Variants in KCNIP4 observed in about 807,000 individuals in gnomAD.
KCNIP4 encodes Kv channel-interacting protein 4.
Under a neutral mutation model 34.0 loss-of-function variants are expected in KCNIP4, and 12 were observed. The ratio of observed to expected loss-of-function variants is 0.35; its 90% CI spans 0.23 to 0.57. The LOEUF (loss-of-function observed/expected upper bound fraction) is 0.57, where lower values mean the gene tolerates loss of function less well. Among genes scored for constraint, KCNIP4 ranks in the 20% least tolerant of loss-of-function variants. KCNIP4 has a pLI of 0.83. For synonymous variants in KCNIP4, 124 were observed against 102.2 expected, an observed-to-expected ratio of 1.21 and a Z score of -1.29; for missense variants, 238 against 311.7, an observed-to-expected ratio of 0.76 and a Z score of 1.78.
At chr4:21,171,163 G>T (rs1449407522) in intron 1 of KCNIP4, among the ~76,000 whole-genome samples, 2 of 152,128 alleles carry the variant, frequency 1.3e-5, no homozygotes, top group Non-Finnish European at 2.9e-5. Flanking sequence ...ATGCTTTCAG[G>T]TGGTTAAATG....
intron 1 of KCNIP4, among the ~76,000 whole-genome samples, chr4:20,937,582 A>G (rs1417012406): frequency 6.6e-6 from 1 of 152,128 alleles, no homozygotes; most frequent in African/African-American, 2.4e-5. Context: ...GGAAGAAAAA[A>G]TGTGATCATA....
intron 1 of KCNIP4, among the ~76,000 whole-genome samples, chr4:21,324,553 G>A (rs749571252): frequency 1.1e-4 from 17 of 151,886 alleles, no homozygotes; most frequent in Non-Finnish European, 2.1e-4. Flanking sequence ...AAAATGAGTT[G>A]AGTGTAGATG....
At chr4:21,181,552 T>A (rs1029414682) in intron 1 of KCNIP4, among the ~76,000 whole-genome samples, 2 of 152,126 alleles carry the variant, frequency 1.3e-5, no homozygotes, top group African/African-American at 4.8e-5. Context: ...TGTACTCATA[T>A]GTTGAAAGGG....
chr4:20,861,625 A>G (rs1212697345), intron 2 of KCNIP4, among the ~76,000 whole-genome samples: 1 of 152,222 alleles, frequency 6.6e-6, no homozygotes, highest in Non-Finnish European at 1.5e-5. Context: ...TTTGTATATC[A>G]TATTGAAAAT....
chr4:20,990,875 G>A (rs888727758), intron 1 of KCNIP4, among the ~76,000 whole-genome samples: 1 of 152,094 alleles, frequency 6.6e-6, no homozygotes, highest in African/African-American at 2.4e-5. Context: ...GATTCTCCAG[G>A]ATAATAATGA....
chr4:21,789,728 TG>T (rs1720153181), intron 1 of KCNIP4, among the ~76,000 whole-genome samples: 1 of 152,008 alleles, frequency 6.6e-6, no homozygotes, highest in African/African-American at 2.4e-5. Flanking sequence ...TGTAGATTAT[TG>T]TTTTTGTGCC....
chr4:21,885,683 G>A (rs753386151), intron 1 of KCNIP4, among the ~76,000 whole-genome samples: 5 of 152,104 alleles, frequency 3.3e-5, no homozygotes, highest in Non-Finnish European at 5.9e-5. Context: ...AAATTTGAAC[G>A]TGTTTTGCTT....
chr4:21,809,303 C>T (rs908348017), intron 1 of KCNIP4, among the ~76,000 whole-genome samples: 8 of 152,124 alleles, frequency 5.3e-5, no homozygotes, highest in African/African-American at 1.9e-4. Context: ...CACCACAGCT[C>T]CTCATTATCA....
At chr4:21,800,708 C>A (rs952815600) in intron 1 of KCNIP4, among the ~76,000 whole-genome samples, 1 of 152,106 alleles carries the variant, frequency 6.6e-6, no homozygotes, top group Non-Finnish European at 1.5e-5. Flanking sequence ...ACAGGACCTA[C>A]AGGAATTGAA....
rs186201903 is a variant in KCNIP4 at position 21,064,549 on chromosome 4, G to A, written c.62-181840C>T. Among the ~76,000 whole-genome samples, 595 of 152,200 alleles carry A rather than the reference G, an allele frequency of 3.9e-3. 5 individuals carry two copies. Among genetic ancestry groups the A allele is most frequent in the Non-Finnish European group, 6.5e-3 (445 of 67,990 alleles). ...TAAGTGGTTTACCATTTATGCTATA[G>A]TTATCTTAGCTATAAAATAGGACCA... On this transcript the variant is annotated intron_variant, in intron 1 of 8. Transcript: ENST00000382152.
At chr4:21,384,802 T>C (rs1295557532) in intron 1 of KCNIP4, among the ~76,000 whole-genome samples, 1 of 152,190 alleles carries the variant, frequency 6.6e-6, no homozygotes. Flanking sequence ...TAGAGATAGT[T>C]TGGGAGGTAA....
At chr4:21,926,481 A>G (rs1356716021) in intron 1 of KCNIP4, among the ~76,000 whole-genome samples, 1 of 152,202 alleles carries the variant, frequency 6.6e-6, no homozygotes, top group Non-Finnish European at 1.5e-5. Context: ...GAAGAATCCA[A>G]CACTTTAAAG....
chr4:21,617,720 T>C (rs1744702173), intron 1 of KCNIP4, among the ~76,000 whole-genome samples: 1 of 152,192 alleles, frequency 6.6e-6, no homozygotes, highest in African/African-American at 2.4e-5. Flanking sequence ...AATGTTTTAT[T>C]CCACCCTCTA....
chr4:21,563,859 A>G (rs1244312079), intron 1 of KCNIP4, among the ~76,000 whole-genome samples: 1 of 152,092 alleles, frequency 6.6e-6, no homozygotes, highest in African/African-American at 2.4e-5. Flanking sequence ...ATGGATTTGA[A>G]GGTTTAGGGT....
rs1245635885 is a variant in KCNIP4 at position 21,509,203 on chromosome 4, A to G, written c.61+439368T>C. Among the ~76,000 whole-genome samples, 4 of 152,282 alleles carry G rather than the reference A, an allele frequency of 2.6e-5. No individual in the cohort carries two copies. In the South Asian group the frequency reaches 6.2e-4, roughly 24 times the overall value. On this transcript the variant is annotated intron_variant, in intron 1 of 8. Coordinates refer to ENST00000382152, the MANE Select transcript of KCNIP4 (RefSeq NM_025221.6). ...ATAGAAATAGATAGTGATGCTAACC[A>G]GCATGTAAGGGGCCCTTTACATTTT...
chr4:21,293,479 C>T (rs1056950622), intron 1 of KCNIP4, among the ~76,000 whole-genome samples: 3 of 152,196 alleles, frequency 2.0e-5, no homozygotes, highest in Admixed American at 1.3e-4. Flanking sequence ...CATTCTACTG[C>T]AGTCTACTGG....
chr4:20,907,915 G>GT (rs372806575), intron 1 of KCNIP4, among the ~76,000 whole-genome samples: 30 of 151,770 alleles, frequency 2.0e-4, no homozygotes, highest in Admixed American at 1.8e-3. Flanking sequence ...TAATCGTCAA[G>GT]TTTTTTTTAG....
At chr4:20,963,435 CACT>C (rs1734047213) in intron 1 of KCNIP4, among the ~76,000 whole-genome samples, 1 of 151,710 alleles carries the variant, frequency 6.6e-6, no homozygotes, top group Admixed American at 6.6e-5. Flanking sequence ...ATTATATGAA[CACT>C]TTTTTTTTAA....
At chr4:20,932,130 G>A (rs9291419) in intron 1 of KCNIP4, among the ~76,000 whole-genome samples, 1,016 of 43,080 alleles carry the variant, frequency 0.024, 225 homozygotes, top group African/African-American at 0.13. Context: ...GTCTAATATT[G>A]TAGACTATAA....
Sources: allele counts gnomAD v4.1 joint callset (sites outside exome capture counted in the v4.1 genomes callset), GRCh38; gene constraint gnomAD v4.1.1; transcripts MANE v1.5; gene names NCBI Gene and HGNC (gene_info 2026-07-23, HGNC 2026-07-21).